LCLAT1: variants seen among roughly 807,000 people sequenced by gnomAD.
The protein encoded by LCLAT1 is lysocardiolipin acyltransferase 1.
LCLAT1 carries 11 observed loss-of-function variants against 30.7 expected under a neutral mutation model. The ratio of observed to expected loss-of-function variants is 0.36; its 90% CI spans 0.23 to 0.59. The LOEUF is 0.59. LCLAT1 is among the 20% of genes least tolerant of loss of function. The pLI is 0.77. For missense variants in LCLAT1, 402 were observed against 458.6 expected (o/e 0.88, Z 1.13); for synonymous variants, 155 against 151.3 (o/e 1.02, Z -0.18).
At chr2:30,459,894 A>G (rs761145010) in intron 1 of LCLAT1, among the ~76,000 whole-genome samples, 4 of 152,164 alleles carry the variant, frequency 2.6e-5, no homozygotes, top group African/African-American at 4.8e-5. Flanking sequence ...TTTCTATTGG[A>G]GGGAGATAAA....
chr2:30,502,097 A>G (rs1034259680), intron 1 of LCLAT1, among the ~76,000 whole-genome samples: 1 of 152,206 alleles, frequency 6.6e-6, no homozygotes, highest in Admixed American at 6.5e-5. Context: ...GGAGGGAGGA[A>G]AAAACCAGTC....
intron 1 of LCLAT1, among the ~76,000 whole-genome samples, chr2:30,478,528 T>G (rs1398618630): frequency 6.6e-6 from 1 of 152,106 alleles, no homozygotes; most frequent in African/African-American, 2.4e-5. Flanking sequence ...ATAAGTTACT[T>G]CTTAGCTGAG....
At chr2:30,600,222 C>G (rs1667119558) in intron 5 of LCLAT1, among the ~76,000 whole-genome samples, 2 of 152,092 alleles carry the variant, frequency 1.3e-5, no homozygotes, top group South Asian at 4.1e-4. Flanking sequence ...TCACTCAAAA[C>G]CATACAACTA....
intron 5 of LCLAT1, among the ~76,000 whole-genome samples, chr2:30,592,580 T>C (rs1057021796): frequency 1.3e-5 from 2 of 152,214 alleles, no homozygotes; most frequent in Admixed American, 6.5e-5. Flanking sequence ...TGAACTGAGA[T>C]ATCATATAAT....
At position 30,640,319 on chromosome 2, in the gene LCLAT1, G is replaced by A. The variant is rs1669236774; in HGVS notation, c.831G>A (p.Leu277=). 1 of 1,614,220 alleles carries A rather than the reference G, an allele frequency of 6.2e-7. No individual in the cohort carries two copies. The highest frequency in any genetic ancestry group is 8.5e-7 in the Non-Finnish European group (1 of 1,180,044). The stretch of plus-strand genomic sequence containing the variant: ...GGTGGGAAGAGAAAGAAGAGAGGCT[G>A]CGTTCCTTCTATCAAGGGGAGAAGA... ...HKRWEEKEER[L]RSFYQGEKNF... Residue 277 remains leucine (L), a synonymous_variant, in exon 6 of 6, where the codon CTG becomes CTA. Coordinates refer to ENST00000379509, the MANE Select transcript of LCLAT1 (RefSeq NM_001002257.3).
chr2:30,636,959 T>C (rs1669063123), intron 5 of LCLAT1, among the ~76,000 whole-genome samples: 1 of 152,200 alleles, frequency 6.6e-6, no homozygotes, highest in African/African-American at 2.4e-5. Context: ...AAGGTGATAC[T>C]GATGAAGACC....
At chr2:30,542,977 T>A (rs1664218078) in intron 3 of LCLAT1, among the ~76,000 whole-genome samples, 1 of 150,328 alleles carries the variant, frequency 6.7e-6, no homozygotes, top group African/African-American at 2.4e-5. Flanking sequence ...TTTGCCTTAT[T>A]GCGGTGGCTA....
chr2:30,611,151 T>C (rs1288785091), intron 5 of LCLAT1, among the ~76,000 whole-genome samples: 1 of 151,740 alleles, frequency 6.6e-6, no homozygotes, highest in Non-Finnish European at 1.5e-5. Flanking sequence ...TTTTTGTCCA[T>C]TTTTTTTCTT....
At chr2:30,468,656 C>T (rs1682604957) in intron 1 of LCLAT1, among the ~76,000 whole-genome samples, 3 of 152,116 alleles carry the variant, frequency 2.0e-5, no homozygotes, top group African/African-American at 7.2e-5. Context: ...TTTTTATCAC[C>T]TCAAAGGAAA....
intron 1 of LCLAT1, among the ~76,000 whole-genome samples, chr2:30,465,195 A>G (rs1350097463): frequency 6.6e-6 from 1 of 152,210 alleles, no homozygotes; most frequent in Non-Finnish European, 1.5e-5. Context: ...GGTCCCTAAA[A>G]GCAATCCTGT....
intron 5 of LCLAT1, among the ~76,000 whole-genome samples, chr2:30,592,341 A>G (rs1373921871): frequency 6.6e-6 from 1 of 152,204 alleles, no homozygotes; most frequent in African/African-American, 2.4e-5. Flanking sequence ...TTAGCCAGGC[A>G]TGGTGGCACA....
At position 30,482,048 on chromosome 2, in the gene LCLAT1, G is replaced by T. The variant is rs75499213; in HGVS notation, c.-5+34665G>T. 4.9e-3 allele frequency among the ~76,000 whole-genome samples: 751 copies of T among 152,272 alleles called. 6 individuals carry two copies. Among genetic ancestry groups the T allele is most frequent in the African/African-American group, 0.017 (726 of 41,570 alleles). On this transcript the variant is annotated intron_variant, in intron 1 of 5. Coordinates refer to ENST00000379509, the MANE Select transcript of LCLAT1 (RefSeq NM_001002257.3). Reference sequence around the variant, plus strand: ...AGAGAACTAGTATTATAAATAAATTGAAACTTGGATTATTTACCTTTTCAG... The same window carrying T: ...AGAGAACTAGTATTATAAATAAATTTAAACTTGGATTATTTACCTTTTCAG...
rs1426606584 is a variant in LCLAT1, at chr2:30,458,055, A to C, written c.-5+10672A>C. On this transcript the variant is annotated intron_variant, in intron 1 of 5. Transcript: ENST00000379509. ...CATTTCATATTGTTAAAAAAAAAAA[A>C]AGAGGCAACTTTTCACTTGGTTGTT... Among the ~76,000 whole-genome samples, 4 of 152,162 alleles carry C rather than the reference A, an allele frequency of 2.6e-5. No homozygotes were observed. The East Asian group carries it at 7.7e-4, about 29-fold the overall frequency.
intron 5 of LCLAT1, among the ~76,000 whole-genome samples, chr2:30,570,777 G>A (rs892837701): frequency 2.6e-5 from 4 of 152,214 alleles, no homozygotes; most frequent in Non-Finnish European, 1.5e-5. Flanking sequence ...ACGGAGAGAT[G>A]GTAGTCACCA....
chr2:30,586,833 G>GA, intron 5 of LCLAT1, among the ~76,000 whole-genome samples: 1 of 151,872 alleles, frequency 6.6e-6, no homozygotes, highest in South Asian at 2.1e-4. Context: ...CTTTAAAAAG[G>GA]AAAAAAAGAC....
At chr2:30,541,384 C>T (rs979218067) in intron 3 of LCLAT1, among the ~76,000 whole-genome samples, 3 of 151,734 alleles carry the variant, frequency 2.0e-5, no homozygotes, top group Admixed American at 1.3e-4. Context: ...AGAGTGTGAC[C>T]CTGTCTCTTA....
intron 1 of LCLAT1, among the ~76,000 whole-genome samples, chr2:30,456,964 A>T (rs1392708890): frequency 2.0e-5 from 3 of 152,252 alleles, no homozygotes; most frequent in Non-Finnish European, 2.9e-5. Flanking sequence ...TGAATTAGCC[A>T]GTAAGACACT....
chr2:30,453,909 GTTA>G (rs1201321613), intron 1 of LCLAT1, among the ~76,000 whole-genome samples: 10 of 152,124 alleles, frequency 6.6e-5, no homozygotes, highest in Non-Finnish European at 1.2e-4. Context: ...TACAAATACT[GTTA>G]TTATCCTCAT....
chr2:30,542,542 A>C, intron 3 of LCLAT1, among the ~76,000 whole-genome samples: 2 of 152,256 alleles, frequency 1.3e-5, no homozygotes, highest in South Asian at 2.1e-4. Flanking sequence ...CAAGAATTGA[A>C]ATCAGCAGTT....
Sources: gnomAD v4.1 joint callset for allele counts (sites outside exome capture counted in the v4.1 genomes callset) on GRCh38, gnomAD v4.1.1 for gene constraint, MANE v1.5 for transcripts, NCBI Gene and HGNC (gene_info 2026-07-23, HGNC 2026-07-21) for gene names.